The following UGT1A8 variants were observed in gnomAD, a reference collection of about 807,000 sequenced individuals.
UGT1A8 encodes UDP glucuronosyltransferase family 1 member A8.
A neutral mutation model predicts 45.3 loss-of-function variants in UGT1A8; 39 were observed. That is an observed-to-expected ratio of 0.86 (90% CI 0.67 to 1.12). UGT1A8 has a LOEUF of 1.12. Ranked by LOEUF, UGT1A8 falls within the 50% of genes most tolerant of loss-of-function variation. The probability of loss-of-function intolerance (pLI) is 0.00; values close to 1 mark genes in which losing one functional copy is unlikely to be tolerated. For missense variants in UGT1A8, 719 were observed against 664.9 expected, an observed-to-expected ratio of 1.08 and a Z score of -0.90; for synonymous variants, 275 against 249.2, an observed-to-expected ratio of 1.10 and a Z score of -0.97.
In UGT1A8 at chr2:233,682,581, A is replaced by G. The variant is rs1415178674; in HGVS notation, c.855+64019A>G. ...GTATGGAACCACATCATGCACTTGG[A>G]GGAACATTTATTTTGCCCCTATTTT... is the stretch of plus-strand genomic sequence containing the variant. On this transcript the variant is annotated intron_variant, in intron 1 of 4. Transcript: ENST00000373450. 2.2e-5 allele frequency: 36 copies of G among 1,613,826 alleles called. No individual in the cohort carries two copies. Among genetic ancestry groups the G allele is most frequent in the Non-Finnish European group, 2.7e-5 (32 of 1,179,846 alleles).
At chr2:233,680,982 G>T (rs2074504929) in intron 1 of UGT1A8, among the ~76,000 whole-genome samples, 1 of 151,992 alleles carries the variant, frequency 6.6e-6, no homozygotes, top group African/African-American at 2.4e-5. Context: ...TGGAGGCAGG[G>T]TTGTCAATCT....
intron 1 of UGT1A8, among the ~76,000 whole-genome samples, chr2:233,692,589 C>T (rs2075104248): frequency 1.3e-5 from 2 of 152,096 alleles, no homozygotes; most frequent in Non-Finnish European, 1.5e-5. Context: ...AGAATAGGTC[C>T]GTGTGCAAGA....
chr2:233,695,870 A>G (rs1194370927), intron 1 of UGT1A8, among the ~76,000 whole-genome samples: 2 of 152,186 alleles, frequency 1.3e-5, no homozygotes, highest in African/African-American at 4.8e-5. Flanking sequence ...ACAACAAACA[A>G]CGCAGAAAAC....
intron 1 of UGT1A8, chr2:233,713,149 C>A (rs777655753): frequency 1.2e-6 from 2 of 1,614,172 alleles, no homozygotes; most frequent in Admixed American, 1.7e-5. Flanking sequence ...GACCTCCATG[C>A]GAGAGGCCAC....
intron 1 of UGT1A8, chr2:233,692,094 C>T (rs1233330203): frequency 1.3e-5 from 2 of 152,126 alleles, no homozygotes; most frequent in African/African-American, 4.8e-5. Context: ...TTGATTTGAT[C>T]ACCGATGGGC....
At chr2:233,684,516 TTA>T (rs1263141696) in intron 1 of UGT1A8, among the ~76,000 whole-genome samples, 1 of 152,180 alleles carries the variant, frequency 6.6e-6, no homozygotes, top group Non-Finnish European at 1.5e-5. Context: ...GATGTAGAAA[TTA>T]TATATGATTC....
chr2:233,738,966 A>C (rs185032908), intron 1 of UGT1A8: 1 of 152,340 alleles, frequency 6.6e-6, no homozygotes, highest in Non-Finnish European at 1.5e-5. Context: ...CCAGGCCCCC[A>C]CTGCTGTGTG....
chr2:233,713,194 A>G (rs1296719846), intron 1 of UGT1A8: 3 of 1,614,210 alleles, frequency 1.9e-6, no homozygotes, highest in South Asian at 1.1e-5. Flanking sequence ...GTGAATATGT[A>G]CATCAAAGAA....
chr2:233,659,328 T>C (rs1231954423), intron 1 of UGT1A8, among the ~76,000 whole-genome samples: 1 of 152,198 alleles, frequency 6.6e-6, no homozygotes, highest in Non-Finnish European at 1.5e-5. Flanking sequence ...GCCTACTGTA[T>C]AGCAGAAGCC....
rs1042710 is a variant in UGT1A8 at position 233,772,562 on chromosome 2, A to G, written c.*3A>G. The G allele has an allele frequency of 6.2e-7, 1 of 1,613,458 alleles. No homozygotes were observed. The highest frequency in any genetic ancestry group is 8.5e-7 in the Non-Finnish European group (1 of 1,179,694). On this transcript the variant is annotated 3_prime_UTR_variant, in exon 5 of 5. Transcript: ENST00000373450. ...CCCACAAATCCAAGACCCATTGAGA[A>G]GTGGGTGGGAAATAAGGTAAAATTT...
intron 1 of UGT1A8, among the ~76,000 whole-genome samples, chr2:233,620,690 A>C (rs374621529): frequency 6.6e-6 from 1 of 152,234 alleles, no homozygotes; most frequent in Non-Finnish European, 1.5e-5. Context: ...TTATATGCAT[A>C]AAGCCAGCAG....
At chr2:233,670,116 T>C (rs13418420) in intron 1 of UGT1A8, among the ~76,000 whole-genome samples, 36,824 of 152,178 alleles carry the variant, frequency 0.24, 4,813 homozygotes, top group East Asian at 0.53. Context: ...TGTATTATCA[T>C]AATGAAGTCA....
intron 1 of UGT1A8, among the ~76,000 whole-genome samples, chr2:233,630,603 A>G (rs1467676664): frequency 6.6e-6 from 1 of 152,118 alleles, no homozygotes; most frequent in African/African-American, 2.4e-5. Context: ...TGGTGCTAGC[A>G]TCTGCTTCTG....
intron 1 of UGT1A8, among the ~76,000 whole-genome samples, chr2:233,745,202 AGAT>A (rs1693037434): frequency 6.6e-6 from 1 of 151,858 alleles, no homozygotes; most frequent in Admixed American, 6.5e-5. Flanking sequence ...ACAACCAGGG[AGAT>A]CCTCTCAGAC....
chr2:233,727,363 C>T (rs2077609679), intron 1 of UGT1A8, among the ~76,000 whole-genome samples: 1 of 152,076 alleles, frequency 6.6e-6, no homozygotes, highest in Non-Finnish European at 1.5e-5. Flanking sequence ...TCCTTAGGGC[C>T]CCTAGGTCTC....
At chr2:233,665,580 G>T (rs1033696496) in intron 1 of UGT1A8, among the ~76,000 whole-genome samples, 1 of 152,212 alleles carries the variant, frequency 6.6e-6, no homozygotes, top group African/African-American at 2.4e-5. Flanking sequence ...AGGCAAGGTA[G>T]GGCAGGAGAA....
intron 1 of UGT1A8, among the ~76,000 whole-genome samples, chr2:233,689,694 G>A (rs910850129): frequency 5.9e-5 from 9 of 152,284 alleles, no homozygotes; most frequent in Non-Finnish European, 7.4e-5. Context: ...GAGTTCAGTC[G>A]TTATTTCCCC....
chr2:233,620,133 G>A (rs2072975496), intron 1 of UGT1A8, among the ~76,000 whole-genome samples: 1 of 152,154 alleles, frequency 6.6e-6, no homozygotes, highest in Non-Finnish European at 1.5e-5. Context: ...ATTGGCAGAT[G>A]GTTGGTGAAA....
intron 1 of UGT1A8, among the ~76,000 whole-genome samples, chr2:233,671,228 G>T (rs190315061): frequency 6.6e-6 from 1 of 152,190 alleles, no homozygotes; most frequent in Admixed American, 6.5e-5. Flanking sequence ...GAGTGCTCTC[G>T]CAAGGATTGG....
Sources: allele counts gnomAD v4.1 joint callset (sites outside exome capture counted in the v4.1 genomes callset), GRCh38; gene constraint gnomAD v4.1.1; transcripts MANE v1.5; gene names NCBI Gene and HGNC (gene_info 2026-07-23, HGNC 2026-07-21).